Variants in MYLK observed in about 807,000 individuals in gnomAD.
MYLK encodes the protein myosin light chain kinase.
In MYLK, 106 loss-of-function variants were observed where a neutral mutation model predicts 203.4. That is an observed-to-expected ratio of 0.52 (90% CI 0.45 to 0.61). MYLK has a LOEUF of 0.61. Among genes scored for constraint, MYLK ranks in the 20% least tolerant of loss-of-function variants. The probability of loss-of-function intolerance (pLI) is 0.00; values close to 1 mark genes in which losing one functional copy is unlikely to be tolerated. For missense variants in MYLK, 2,072 were observed against 2,442.3 expected (o/e 0.85, Z 3.20); for synonymous variants, 867 against 959.5 (o/e 0.90, Z 1.78).
rs199792889 is a variant in MYLK at position 123,640,291 on chromosome 3, C to A, written c.4833G>T (p.Arg1611Ser). ...GGAGAGGCAGATGAGCCTTACCCAGCCTCCTGGCCAGACCAAAGTCGATGA... is the reference window on the plus strand; with the variant it reads ...GGAGAGGCAGATGAGCCTTACCCAGACTCCTGGCCAGACCAAAGTCGATGA... ...IKLIDFGLAR[R>S]LENAGSLKVL... Residue 1611 changes from arginine (R) to serine (S), a missense_variant, in exon 28 of 34, where the codon AGG becomes AGT. Coordinates refer to ENST00000360304, the MANE Select transcript of MYLK (RefSeq NM_053025.4). This position sits in a 1 kb window ranked among gnomAD's most constrained non-coding sequence, Gnocchi z 4.3. 3 of 1,613,836 alleles carry A rather than the reference C, an allele frequency of 1.9e-6. No homozygotes were observed. Among genetic ancestry groups the A allele is most frequent in the Non-Finnish European group, 2.5e-6 (3 of 1,179,992 alleles).
At chr3:123,643,077 C>A (rs910713523) in intron 27 of MYLK, among the ~76,000 whole-genome samples, 9 of 152,186 alleles carry the variant, frequency 5.9e-5, no homozygotes, top group African/African-American at 2.2e-4. Flanking sequence ...AAAGTCACTC[C>A]CCATTTCTTC....
rs761654890 is a variant in MYLK, at chr3:123,700,481, C to T, written c.2987G>A (p.Gly996Asp). The T allele has an allele frequency of 8.7e-6, 14 of 1,607,676 alleles. No homozygotes were observed. Among genetic ancestry groups the T allele is most frequent in the Non-Finnish European group, 1.2e-5 (14 of 1,175,598 alleles). ...ATTCAGGGTCTCGGCACTGCTGCTG[C>T]CATTCTCTGCTGGTAATTTCTTCTT... is the stretch of plus-strand genomic sequence containing the variant. ...GGKKKLPAEN[G>D]SSSAETLNAK... is the part of the protein sequence containing the mutation. Residue 996 changes from glycine (G) to aspartate (D), a missense_variant, in exon 18 of 34, where the codon GGC (glycine) becomes GAC (aspartate). Gly to Asp is a moderately conservative substitution (Grantham distance 94). Transcript: ENST00000360304.
At chr3:123,850,664 A>G (rs1014984520) in intron 2 of MYLK, among the ~76,000 whole-genome samples, 23 of 152,222 alleles carry the variant, frequency 1.5e-4, no homozygotes, top group African/African-American at 5.3e-4. Context: ...AGATGAGTAA[A>G]TTGCAAAAAT....
rs181137593 is a variant in MYLK, at chr3:123,871,438, C to G, written c.-127+5121G>C. On this transcript the variant is annotated intron_variant, in intron 2 of 33. Coordinates refer to ENST00000360304, the MANE Select transcript of MYLK (RefSeq NM_053025.4). The stretch of plus-strand genomic sequence containing the variant: ...TTCACAAACTGCTAGCCAGATTGAC[C>G]AAGAGCAAAAGAGAAGATACAAACT... 6.6e-5 allele frequency among the ~76,000 whole-genome samples: 10 copies of G among 152,132 alleles called. No homozygotes were observed. The East Asian group carries it at 1.9e-3, about 29-fold the overall frequency.
intron 6 of MYLK, among the ~76,000 whole-genome samples, 196 bp downstream of exon 6, chr3:123,739,757 G>A (rs908573648): frequency 1.3e-5 from 2 of 152,136 alleles, no homozygotes; most frequent in African/African-American, 4.8e-5. Context: ...TTAGCAGCTG[G>A]GCCAGTCAAA....
At chr3:123,813,818 G>A (rs1387631677) in intron 3 of MYLK, among the ~76,000 whole-genome samples, 3 of 152,088 alleles carry the variant, frequency 2.0e-5, no homozygotes, top group East Asian at 1.9e-4. Context: ...GACAATTCAC[G>A]GCCTCTTAAG....
intron 3 of MYLK, among the ~76,000 whole-genome samples, chr3:123,817,256 C>T (rs2065780168): frequency 6.6e-6 from 1 of 152,176 alleles, no homozygotes; most frequent in African/African-American, 2.4e-5. Flanking sequence ...CTTTAAAACC[C>T]TTTGATGAAA....
At chr3:123,783,072 T>A (rs1417283437) in intron 4 of MYLK, among the ~76,000 whole-genome samples, 3 of 152,222 alleles carry the variant, frequency 2.0e-5, no homozygotes, top group Non-Finnish European at 4.4e-5. Context: ...CACATTGATG[T>A]GTTTGTATAA....
chr3:123,835,361 T>C (rs1041596030), intron 2 of MYLK, among the ~76,000 whole-genome samples: 4 of 152,240 alleles, frequency 2.6e-5, no homozygotes, highest in African/African-American at 9.6e-5. Flanking sequence ...CATCCCTGTG[T>C]AGAGTTTCTA....
At chr3:123,797,811 T>G (rs984002277) in intron 3 of MYLK, among the ~76,000 whole-genome samples, 4 of 152,166 alleles carry the variant, frequency 2.6e-5, no homozygotes, top group Non-Finnish European at 4.4e-5. Flanking sequence ...ACCCATAATA[T>G]AGCATAAAAG....
chr3:123,674,411 A>C (rs2060010096), intron 20 of MYLK, among the ~76,000 whole-genome samples: 1 of 152,174 alleles, frequency 6.6e-6, no homozygotes, highest in African/African-American at 2.4e-5. Context: ...TCACTGCCTG[A>C]ACCTGTTCAG....
chr3:123,666,321 G>A lies in MYLK; in HGVS notation c.3729C>T (p.Phe1243=). 6.2e-7 allele frequency: 1 copy of A among 1,614,212 alleles called. No individual in the cohort carries two copies. The highest frequency in any genetic ancestry group is 8.5e-7 in the Non-Finnish European group (1 of 1,180,036). ...KAAMPPQIIQ[F]PEDQKVRAGE... The stretch of plus-strand genomic sequence containing the variant: ...CTGCGCGTACCTTCTGGTCCTCAGG[G>A]AACTGGATGATCTGAGGGGGCATTG... The change falls in exon 22 of 34, where the codon TTC becomes TTT. Residue 1243 remains phenylalanine (F), a synonymous_variant. Transcript: ENST00000360304.
At chr3:123,788,366 T>TC (rs567011942) in intron 4 of MYLK, among the ~76,000 whole-genome samples, 448 of 144,348 alleles carry the variant, frequency 3.1e-3, no homozygotes, top group African/African-American at 0.011. Context: ...CAAATTTCTC[T>TC]TTTTTTTTTT....
At chr3:123,632,309 A>G (rs941867634) in intron 29 of MYLK, among the ~76,000 whole-genome samples, 1 of 152,152 alleles carries the variant, frequency 6.6e-6, no homozygotes, top group African/African-American at 2.4e-5. Flanking sequence ...CTTGCCTGTC[A>G]GCCACCTGCT....
chr3:123,661,742 G>C (rs559760800), intron 23 of MYLK, among the ~76,000 whole-genome samples: 17 of 152,260 alleles, frequency 1.1e-4, no homozygotes, highest in African/African-American at 3.4e-4. Flanking sequence ...CAAGAGAGAA[G>C]GTAAACAGAA....
Position 123,613,886 on chromosome 3 carries a change from T to C in MYLK, c.*219A>G. Reference sequence around the variant, plus strand: ...GTGATTTCCCTAAATGAAATCTAGCTGCACTAGTATCTTAAGGTGCCAACT... The same window carrying C: ...GTGATTTCCCTAAATGAAATCTAGCCGCACTAGTATCTTAAGGTGCCAACT... On this transcript the variant is annotated 3_prime_UTR_variant, in exon 34 of 34. Transcript: ENST00000360304. 3.5e-6 allele frequency: 2 copies of C among 576,148 alleles called. No homozygotes were observed. Among genetic ancestry groups the C allele is most frequent in the Non-Finnish European group, 6.2e-6 (2 of 324,050 alleles). The allele number at this position is 576,148 out of a possible 1,614,324, so 35.7% of individuals were successfully genotyped here.
At chr3:123,793,591 C>T in intron 4 of MYLK, 86 bp downstream of exon 4, 1 of 1,493,412 alleles carries the variant, frequency 6.7e-7, no homozygotes, top group African/African-American at 1.4e-5. Flanking sequence ...CTATTAGATC[C>T]AGCCGGCCCA....
chr3:123,760,275 T>C (rs1419850082), intron 4 of MYLK, among the ~76,000 whole-genome samples: 1 of 152,158 alleles, frequency 6.6e-6, no homozygotes, highest in East Asian at 1.9e-4. Flanking sequence ...GCCTCCCGGG[T>C]TCAAGTGACT....
At chr3:123,838,100 C>T (rs150344418) in intron 2 of MYLK, among the ~76,000 whole-genome samples, 117 of 152,106 alleles carry the variant, frequency 7.7e-4, no homozygotes, top group African/African-American at 2.5e-3. Flanking sequence ...TAAATACAAA[C>T]AAAAACAACC....
Sources: allele counts gnomAD v4.1 joint callset (sites outside exome capture counted in the v4.1 genomes callset), GRCh38; gene constraint gnomAD v4.1.1; non-coding constraint Gnocchi (gnomAD v3.1); transcripts MANE v1.5; gene names NCBI Gene and HGNC (gene_info 2026-07-23, HGNC 2026-07-21).